The following SIL1 variants were observed in gnomAD, a reference collection of about 807,000 sequenced individuals.
SIL1 encodes the protein nucleotide exchange factor SIL1.
SIL1 carries 40 observed loss-of-function variants against 49.1 expected under a neutral mutation model. That is an observed-to-expected ratio of 0.81 (90% CI 0.63 to 1.06). SIL1 has a LOEUF of 1.06. Ranked by LOEUF, SIL1 falls within the 50% of genes least tolerant of loss-of-function variation. SIL1 has a pLI of 0.00. For missense variants in SIL1, 500 were observed against 572.6 expected (o/e 0.87, Z 1.29); for synonymous variants, 253 against 250.8 (o/e 1.01, Z -0.08).
intron 3 of SIL1, among the ~76,000 whole-genome samples, chr5:139,109,759 T>C (rs1770801633): frequency 6.8e-6 from 1 of 146,986 alleles, no homozygotes. Context: ...CTGGAATTCC[T>C]GGGTCCTATT....
intron 1 of SIL1, among the ~76,000 whole-genome samples, chr5:139,170,196 T>C (rs2151814683): frequency 6.6e-6 from 1 of 152,290 alleles, no homozygotes; most frequent in Non-Finnish European, 1.5e-5. Flanking sequence ...TGGAGTGCAG[T>C]GGCGTGATCT....
At chr5:138,961,288 G>A (rs930228462) in intron 7 of SIL1, among the ~76,000 whole-genome samples, 11 of 152,156 alleles carry the variant, frequency 7.2e-5, no homozygotes, top group African/African-American at 2.4e-4. Flanking sequence ...GTTTCTGTCT[G>A]GCATTTAATT....
chr5:139,197,200 G>C (rs1208268163), intron 1 of SIL1, among the ~76,000 whole-genome samples: 1 of 150,394 alleles, frequency 6.6e-6, no homozygotes, highest in African/African-American at 2.5e-5. Flanking sequence ...CCTGGGAGGC[G>C]GAGGTTGCTG....
At chr5:138,970,961 G>A (rs963944399) in intron 7 of SIL1, among the ~76,000 whole-genome samples, 1 of 151,926 alleles carries the variant, frequency 6.6e-6, no homozygotes, top group Non-Finnish European at 1.5e-5. Flanking sequence ...GGTCCTGCTT[G>A]TGTGACACAC....
chr5:138,974,047 T>C (rs1767342724), intron 7 of SIL1, among the ~76,000 whole-genome samples: 1 of 152,194 alleles, frequency 6.6e-6, no homozygotes, highest in Non-Finnish European at 1.5e-5. Flanking sequence ...GGTCTCTCCG[T>C]GCACCCCTTG....
intron 1 of SIL1, among the ~76,000 whole-genome samples, chr5:139,188,565 G>A (rs1752115425): frequency 6.6e-6 from 1 of 152,166 alleles, no homozygotes; most frequent in East Asian, 1.9e-4. Context: ...CTTGCTACAT[G>A]GAACCAGTTG....
chr5:139,143,344 C>CACATATATATAT (rs1451727500), intron 1 of SIL1, among the ~76,000 whole-genome samples: 9 of 97,494 alleles, frequency 9.2e-5, no homozygotes, highest in African/African-American at 3.8e-4. Context: ...CACACACACA[C>CACATATATATAT]ATATATATAT....
At chr5:139,137,767 G>A (rs1014534505) in intron 1 of SIL1, among the ~76,000 whole-genome samples, 1 of 143,458 alleles carries the variant, frequency 7.0e-6, no homozygotes, top group East Asian at 2.1e-4. Flanking sequence ...ACCTCTGAAT[G>A]GGTGCTGGGA....
intron 3 of SIL1, among the ~76,000 whole-genome samples, chr5:139,069,218 C>G (rs1769774386): frequency 6.6e-6 from 1 of 151,930 alleles, no homozygotes; most frequent in African/African-American, 2.4e-5. Flanking sequence ...AGCCCAGGAG[C>G]TCAAGATTGC....
At chr5:139,168,800 T>A (rs1013397748) in intron 1 of SIL1, among the ~76,000 whole-genome samples, 1 of 151,666 alleles carries the variant, frequency 6.6e-6, no homozygotes, top group Non-Finnish European at 1.5e-5. Flanking sequence ...CAAAACCCCA[T>A]CTCTACAAAA....
chr5:138,955,240 G>T (rs1025614545), intron 7 of SIL1, among the ~76,000 whole-genome samples: 6 of 152,216 alleles, frequency 3.9e-5, no homozygotes, highest in African/African-American at 1.2e-4. Context: ...TAAGGACGTA[G>T]CTCATCTCCG....
chr5:138,957,102 C>A lies in SIL1; in HGVS notation c.768-5218G>T, dbSNP rs574631506. On this transcript the variant is annotated intron_variant, in intron 7 of 9. Coordinates refer to ENST00000394817, the MANE Select transcript of SIL1 (RefSeq NM_022464.5). The stretch of plus-strand genomic sequence containing the variant: ...CCTACTGACAGACACACACACAATA[C>A]ACACACACAGACACAATCATCTGCC... Among the ~76,000 whole-genome samples the A allele has an allele frequency of 4.5e-4, 69 of 152,140 alleles. 1 individual carries two copies. In the South Asian group the frequency reaches 0.014, roughly 30 times the overall value.
At chr5:139,044,964 A>C (rs1356459711) in intron 4 of SIL1, among the ~76,000 whole-genome samples, 2 of 152,110 alleles carry the variant, frequency 1.3e-5, no homozygotes, top group Non-Finnish European at 2.9e-5. Context: ...TACTAATCAA[A>C]ATTACCAATA....
Position 138,976,200 on chromosome 5 carries a change from C to T in SIL1, c.768-24316G>A, listed in dbSNP as rs186253230. On this transcript the variant is annotated intron_variant, in intron 7 of 9. Coordinates refer to ENST00000394817, the MANE Select transcript of SIL1 (RefSeq NM_022464.5). ...AAGCTTGCAGAAAATATTCACGATG[C>T]CCATACCTCTGCCTCCAGTCAGGAT... 8.5e-5 allele frequency among the ~76,000 whole-genome samples: 13 copies of T among 152,308 alleles called. No individual in the cohort carries two copies. In the East Asian group the frequency reaches 2.5e-3, roughly 29 times the overall value.
chr5:139,053,999 G>T (rs886477942), intron 3 of SIL1, among the ~76,000 whole-genome samples: 1 of 152,128 alleles, frequency 6.6e-6, no homozygotes, highest in African/African-American at 2.4e-5. Context: ...ATTATTTGTT[G>T]GTCAAGTGAG....
At chr5:139,137,116 A>ACC (rs1750989625) in intron 1 of SIL1, among the ~76,000 whole-genome samples, 1 of 152,198 alleles carries the variant, frequency 6.6e-6, no homozygotes, top group South Asian at 2.1e-4. Context: ...CCCTAGTGCC[A>ACC]CCCCTTCCCC....
intron 7 of SIL1, among the ~76,000 whole-genome samples, chr5:138,977,007 A>T (rs1420025727): frequency 2.6e-5 from 4 of 152,156 alleles, no homozygotes; most frequent in Non-Finnish European, 5.9e-5. Flanking sequence ...TAGAAAGCCC[A>T]TTCACACAGC....
chr5:139,056,560 C>A (rs1169084917), intron 3 of SIL1, among the ~76,000 whole-genome samples: 1 of 150,640 alleles, frequency 6.6e-6, no homozygotes, highest in Non-Finnish European at 1.5e-5. Context: ...GGGGTCAGCC[C>A]CCCGACCGGC....
rs975880087 is a variant in SIL1, at chr5:139,081,954, T to C, written c.245-30908A>G. On this transcript the variant is annotated intron_variant, in intron 3 of 9. Coordinates refer to ENST00000394817, the MANE Select transcript of SIL1 (RefSeq NM_022464.5). ...TTCTCATTGCAGCCTAGTAAATATG[T>C]ACAGAGGAAGTGAGAAGACTTCTAA... is the stretch of plus-strand genomic sequence containing the variant. Among the ~76,000 whole-genome samples the C allele has an allele frequency of 1.3e-5, 2 of 151,770 alleles. 1 individual carries two copies. Among genetic ancestry groups the C allele is most frequent in the Admixed American group, 1.3e-4 (2 of 15,240 alleles).
Sources: gnomAD v4.1 joint callset for allele counts (sites outside exome capture counted in the v4.1 genomes callset) on GRCh38, gnomAD v4.1.1 for gene constraint, MANE v1.5 for transcripts, NCBI Gene and HGNC (gene_info 2026-07-23, HGNC 2026-07-21) for gene names.